PGM1: variants seen among roughly 807,000 people sequenced by gnomAD.
The protein encoded by PGM1 is phosphoglucomutase-1.
PGM1 carries 52 observed loss-of-function variants against 55.6 expected under a neutral mutation model. That is an observed-to-expected ratio of 0.94 (90% CI 0.75 to 1.18). The LOEUF (loss-of-function observed/expected upper bound fraction) is 1.18. Ranked by LOEUF, PGM1 falls within the 50% of genes most tolerant of loss-of-function variation. PGM1 has a pLI of 0.00. For synonymous variants in PGM1, 287 were observed against 271.7 expected, an observed-to-expected ratio of 1.06 and a Z score of -0.55; for missense variants, 724 against 729.3, an observed-to-expected ratio of 0.99 and a Z score of 0.08.
intron 1 of PGM1, among the ~76,000 whole-genome samples, chr1:63,627,087 G>A (rs1024347059): frequency 7.2e-6 from 1 of 138,662 alleles, no homozygotes; most frequent in South Asian, 2.3e-4. Flanking sequence ...ACACTTTTAA[G>A]GCTGAATAAT....
At chr1:63,639,527 T>C (rs567025217) in intron 7 of PGM1, among the ~76,000 whole-genome samples, 2 of 151,964 alleles carry the variant, frequency 1.3e-5, no homozygotes, top group South Asian at 4.2e-4. Flanking sequence ...TGTATCAGTC[T>C]CTCTTTCCTA....
At chr1:63,613,736 G>A (rs1173380570) in intron 1 of PGM1, among the ~76,000 whole-genome samples, 1 of 147,188 alleles carries the variant, frequency 6.8e-6, no homozygotes, top group Non-Finnish European at 1.5e-5. Flanking sequence ...GGGGGCGGGA[G>A]TAGTGCACCA....
intron 1 of PGM1, among the ~76,000 whole-genome samples, chr1:63,620,459 T>C (rs1173342399): frequency 6.6e-6 from 1 of 152,196 alleles, no homozygotes; most frequent in African/African-American, 2.4e-5. Flanking sequence ...AATAGGGTTA[T>C]CAGGCTCATC....
intron 1 of PGM1, among the ~76,000 whole-genome samples, chr1:63,604,969 G>T: frequency 7.2e-6 from 1 of 139,208 alleles, no homozygotes; most frequent in Admixed American, 7.2e-5. Context: ...GTAAAGAGAG[G>T]GGATATAGTT....
intron 1 of PGM1, among the ~76,000 whole-genome samples, chr1:63,613,897 A>G (rs370359756): frequency 1.3e-5 from 2 of 152,124 alleles, no homozygotes; most frequent in South Asian, 2.1e-4. Flanking sequence ...AACAAATTTG[A>G]TCATCCAAAG....
Position 63,636,363 on chromosome 1 carries a change from A to G in PGM1, c.1003A>G (p.Met335Val), listed in dbSNP as rs764289842. 1.9e-6 allele frequency: 3 copies of G among 1,614,120 alleles called. No homozygotes were observed. The highest frequency in any genetic ancestry group is 2.2e-5 in the East Asian group (1 of 44,858). The change falls in exon 6 of 11, where the codon ATG becomes GTG. Residue 335 changes from methionine to valine, a missense_variant. Physicochemically the swap from Met to Val is conservative, Grantham distance 21. This residue lies in a region of PGM1 where 316 missense variants were observed against 313.1 expected (regional missense o/e 1.01). Transcript: ENST00000371084. ...QTGVRGFARSMPTSGALDRVA... is the reference protein window; with the variant it reads ...QTGVRGFARSVPTSGALDRVA... ...TGGGGTCCGCGGCTTTGCACGGAGC[A>G]TGCCCACGAGTGGTGCTCTGGACCG...
intron 8 of PGM1, 70 bp from the exon 9 acceptor site, chr1:63,651,599 A>G (rs1277999039): frequency 1.4e-6 from 2 of 1,421,888 alleles, no homozygotes; most frequent in Admixed American, 1.8e-5. Flanking sequence ...TGATGAAGAA[A>G]GTGCTGACTG....
chr1:63,653,211 C>A (rs1362922634), intron 9 of PGM1, among the ~76,000 whole-genome samples: 2 of 152,104 alleles, frequency 1.3e-5, no homozygotes, highest in African/African-American at 4.8e-5. Flanking sequence ...TGATGTGAGA[C>A]CAGATAGGAG....
intron 1 of PGM1, among the ~76,000 whole-genome samples, chr1:63,599,632 T>TA (rs973192325): frequency 5.3e-5 from 8 of 151,834 alleles, no homozygotes; most frequent in Non-Finnish European, 1.0e-4. Context: ...CTACAAAAAA[T>TA]AAAAAAACTT....
intron 4 of PGM1, among the ~76,000 whole-genome samples, chr1:63,632,552 G>A (rs1423259384): frequency 1.3e-5 from 2 of 152,142 alleles, no homozygotes; most frequent in Non-Finnish European, 2.9e-5. Context: ...GACTCCCATA[G>A]AATGGATCTA....
At chr1:63,655,449 A>G (rs1215400141) in intron 10 of PGM1, among the ~76,000 whole-genome samples, 1 of 152,216 alleles carries the variant, frequency 6.6e-6, no homozygotes, top group Non-Finnish European at 1.5e-5. Context: ...AACAGTCTGC[A>G]GACCTGCAGC....
At chr1:63,648,790 A>C in intron 8 of PGM1, 138 bp downstream of exon 8, 1 of 927,412 alleles carries the variant, frequency 1.1e-6, no homozygotes, top group Non-Finnish European at 1.7e-6. Flanking sequence ...GAGACTTTAA[A>C]AATAATCTGG....
chr1:63,648,678 A>G (rs765582405), intron 8 of PGM1, 26 bp downstream of exon 8: 1 of 1,612,832 alleles, frequency 6.2e-7, no homozygotes, highest in Non-Finnish European at 8.5e-7. Context: ...GCTGGGGTAC[A>G]AGGTAAGGTG....
At chr1:63,633,900 GTGTGTGTGTGTGTGTGTGTATA>G (rs1470710055) in intron 4 of PGM1, among the ~76,000 whole-genome samples, 15 of 44,738 alleles carry the variant, frequency 3.4e-4, no homozygotes, top group African/African-American at 1.8e-3. Context: ...GTGTGTGTGT[GTGTGTGTGTGTGTGTGTGTATA>G]TATATATATA....
At chr1:63,656,576 G>GTGTA (rs1649973169) in intron 10 of PGM1, among the ~76,000 whole-genome samples, 1 of 96,826 alleles carries the variant, frequency 1.0e-5, no homozygotes, top group South Asian at 3.1e-4. Context: ...ATTGTGGTGT[G>GTGTA]TGTGTGTGTG....
chr1:63,644,260 C>T (rs898665397), intron 7 of PGM1, among the ~76,000 whole-genome samples: 5 of 152,150 alleles, frequency 3.3e-5, no homozygotes, highest in Non-Finnish European at 7.4e-5. Context: ...AATTCCTGTC[C>T]CTGAGCGGAG....
rs1430606649 is a variant in PGM1 at position 63,624,326 on chromosome 1, GGACACAAA to G, written c.247-5096_247-5089del. Among the ~76,000 whole-genome samples the G allele has an allele frequency of 2.6e-5, 4 of 152,142 alleles. No homozygotes were observed. The South Asian group carries it at 8.3e-4, about 32-fold the overall frequency. On this transcript the variant is annotated intron_variant, in intron 1 of 10. Coordinates refer to ENST00000371084, the MANE Select transcript of PGM1 (RefSeq NM_002633.3). ...AGGGGCACCTGCTTATAATGACCTT[GGACACAAA>G]GAAGCCGTGCGCATGGTGAATTTGT...
At chr1:63,630,843 C>T (rs1649174790) in intron 3 of PGM1, among the ~76,000 whole-genome samples, 1 of 152,200 alleles carries the variant, frequency 6.6e-6, no homozygotes, top group South Asian at 2.1e-4. Flanking sequence ...TTATGGAATG[C>T]ATTTTATTAG....
intron 1 of PGM1, among the ~76,000 whole-genome samples, chr1:63,622,071 CT>C (rs1648891146): frequency 6.6e-6 from 1 of 152,162 alleles, no homozygotes; most frequent in African/African-American, 2.4e-5. Context: ...GTTGTCCAGG[CT>C]GGAATACAAT....
Sources: allele counts gnomAD v4.1 joint callset (sites outside exome capture counted in the v4.1 genomes callset), GRCh38; gene constraint gnomAD v4.1.1; regional missense constraint gnomAD v4.1.1; transcripts MANE v1.5; gene names NCBI Gene and HGNC (gene_info 2026-07-23, HGNC 2026-07-21).